Variants in TWF2 observed in about 807,000 individuals in gnomAD.
The protein encoded by TWF2 is twinfilin actin binding protein 2, also known as twinfilin-2.
Under a neutral mutation model 45.1 loss-of-function variants are expected in TWF2, and 15 were observed. That is an observed-to-expected ratio of 0.33 (90% CI 0.22 to 0.51). The LOEUF is 0.51. TWF2 is among the 20% of genes least tolerant of loss of function. The probability of loss-of-function intolerance (pLI) is 0.97; values close to 1 mark genes in which losing one functional copy is unlikely to be tolerated. For synonymous variants in TWF2, 177 were observed against 195.8 expected (o/e 0.90, Z 0.80); for missense variants, 423 against 469.1 (o/e 0.90, Z 0.91).
rs781419320 is a variant in TWF2, at chr3:52,229,935, G to A, written c.745C>T (p.Pro249Ser). 3 of 1,612,156 alleles carry A rather than the reference G, an allele frequency of 1.9e-6. No individual in the cohort carries two copies. Among genetic ancestry groups the A allele is most frequent in the Non-Finnish European group, 2.5e-6 (3 of 1,179,510 alleles). Residue 249 changes from proline (P) to serine (S), a missense_variant, in exon 7 of 9, where the codon CCC (proline) becomes TCC (serine). Pro to Ser is a moderately conservative substitution (Grantham distance 74, BLOSUM62 -1). Transcript: ENST00000305533. ...GGCCACTCACCTACAGACTCAAGGGGGTCGCCCTCATGGGTGTGCTTGTAG... is the reference window on the plus strand; with the variant it reads ...GGCCACTCACCTACAGACTCAAGGGAGTCGCCCTCATGGGTGTGCTTGTAG... Reference protein sequence around the residue: ...FLYKHTHEGDPLESVVFIYSM... With the variant: ...FLYKHTHEGDSLESVVFIYSM...
At chr3:52,236,365 C>T (rs998667385) in intron 1 of TWF2, among the ~76,000 whole-genome samples, 9 of 151,304 alleles carry the variant, frequency 5.9e-5, no homozygotes, top group Non-Finnish European at 8.8e-5. Context: ...AAGGTGAGAG[C>T]CAGTGAGTGA....
At chr3:52,232,378 G>T in intron 2 of TWF2, 1 of 539,034 alleles carries the variant, frequency 1.9e-6, no homozygotes, top group Non-Finnish European at 3.3e-6. Flanking sequence ...ACACACACAC[G>T]TGCGCAGATC....
In TWF2 at chr3:52,239,134, C is replaced by T; in HGVS notation, c.-118G>A. 1 of 1,294,624 alleles carries T rather than the reference C, an allele frequency of 7.7e-7. No individual in the cohort carries two copies. Among genetic ancestry groups the T allele is most frequent in the Admixed American group, 3.2e-5 (1 of 31,582 alleles). 80.2% of individuals were successfully genotyped at this position (1,294,624 alleles called of 1,614,324 possible). A position where few individuals can be genotyped will look rare whatever the true frequency, so the allele number is the denominator to read the frequency against. On this transcript the variant is annotated 5_prime_UTR_variant, in exon 1 of 9. Transcript: ENST00000305533. Reference sequence around the variant, plus strand: ...GCGGAGGCTGTCGACCCTCGCGCAGCTTCCCGGGCGGTGCCGCAGGACCCG... The same window carrying T: ...GCGGAGGCTGTCGACCCTCGCGCAGTTTCCCGGGCGGTGCCGCAGGACCCG...
At position 52,239,152 on chromosome 3, in the gene TWF2, A is replaced by G; in HGVS notation, c.-136T>C. 1 of 1,200,048 alleles carries G rather than the reference A, an allele frequency of 8.3e-7. No homozygotes were observed. The highest frequency in any genetic ancestry group is 1.1e-6 in the Non-Finnish European group (1 of 940,824). The allele number at this position is 1,200,048 out of a possible 1,614,324, so 74.3% of individuals were successfully genotyped here. A position where few individuals can be genotyped will look rare whatever the true frequency, so the allele number is the denominator to read the frequency against. ...CGCGCAGCTTCCCGGGCGGTGCCGC[A>G]GGACCCGCCCCCAGCGGCGCCCCGC... is the stretch of plus-strand genomic sequence containing the variant. On this transcript the variant is annotated 5_prime_UTR_variant, in exon 1 of 9. Transcript: ENST00000305533.
chr3:52,230,185 C>G, intron 6 of TWF2, 115 bp from the exon 7 acceptor site: 14 of 1,365,392 alleles, frequency 1.0e-5, no homozygotes, highest in Admixed American at 2.7e-5. Context: ...ATGTGACCTC[C>G]CTCTCCCAAG....
chr3:52,232,363 C>G (rs1343503729), intron 2 of TWF2: 1 of 571,078 alleles, frequency 1.8e-6, no homozygotes, highest in Non-Finnish European at 3.1e-6. Context: ...CACACACCCC[C>G]CCACACACAC....
chr3:52,233,122 A>G (rs1427400652), intron 2 of TWF2, among the ~76,000 whole-genome samples: 6 of 152,244 alleles, frequency 3.9e-5, no homozygotes, highest in Non-Finnish European at 5.9e-5. Flanking sequence ...GCACTTGTAG[A>G]CTGGGACCTC....
intron 6 of TWF2, among the ~76,000 whole-genome samples, chr3:52,230,325 G>A (rs1366684169): frequency 2.0e-5 from 3 of 152,240 alleles, no homozygotes; most frequent in African/African-American, 2.4e-5. Flanking sequence ...CAACGGTAGT[G>A]ACTCCTGGGA....
In TWF2 at chr3:52,229,783, C is replaced by G; in HGVS notation, c.761-1G>C. ...TACCCCGGCATGGAGTAGATGAACA[C>G]TGTTGGGGGGCAGGAGGTGAGCCTG... On this transcript the variant is annotated splice_acceptor_variant, in intron 7 of 8. Coordinates refer to ENST00000305533, the MANE Select transcript of TWF2 (RefSeq NM_007284.4). LOFTEE classifies it high-confidence loss of function. 2 of 1,610,534 alleles carry G rather than the reference C, an allele frequency of 1.2e-6. No individual in the cohort carries two copies. Among genetic ancestry groups the G allele is most frequent in the Non-Finnish European group, 1.7e-6 (2 of 1,178,178 alleles).
intron 7 of TWF2, 32 bp from the exon 8 acceptor site, chr3:52,229,814 C>G: frequency 3.7e-6 from 6 of 1,602,516 alleles, no homozygotes; most frequent in Non-Finnish European, 5.1e-6. Context: ...GCCTGGGAGG[C>G]CTGAGAAACC....
chr3:52,234,640 G>T (rs1220396966), intron 2 of TWF2, among the ~76,000 whole-genome samples: 1 of 152,234 alleles, frequency 6.6e-6, no homozygotes, highest in Non-Finnish European at 1.5e-5. Context: ...AGCCAGGCCA[G>T]GCCACCAACA....
intron 1 of TWF2, 26 bp downstream of exon 1, chr3:52,238,966 C>A: frequency 6.3e-7 from 1 of 1,590,538 alleles, no homozygotes; most frequent in East Asian, 2.2e-5. Context: ...ACCGAGGCCC[C>A]CTGCCCGCCC....
chr3:52,229,571 T>A (rs1037901690), intron 8 of TWF2, 90 bp downstream of exon 8: 1 of 1,551,828 alleles, frequency 6.4e-7, no homozygotes, highest in African/African-American at 1.4e-5. Context: ...CAACGATTCC[T>A]GCTCTGCCGT....
At position 52,228,865 on chromosome 3, in the gene TWF2, G is replaced by A. The variant is rs1364539711; in HGVS notation, c.*169C>T. 3.0e-6 allele frequency: 3 copies of A among 987,662 alleles called. No individual in the cohort carries two copies. The highest frequency in any genetic ancestry group is 1.6e-5 in the African/African-American group (1 of 60,782). The allele number at this position is 987,662 out of a possible 1,614,324, so 61.2% of individuals were successfully genotyped here. ...AGATGCAGGGACAGCAACAGGGAAG[G>A]GTCACAAAATGCCAGCCCGGTGGCC... is the stretch of plus-strand genomic sequence containing the variant. On this transcript the variant is annotated 3_prime_UTR_variant, in exon 9 of 9. Coordinates refer to ENST00000305533, the MANE Select transcript of TWF2 (RefSeq NM_007284.4).
chr3:52,234,905 A>G, intron 2 of TWF2, 124 bp downstream of exon 2: 1 of 1,065,498 alleles, frequency 9.4e-7, no homozygotes, highest in Non-Finnish European at 1.4e-6. Flanking sequence ...ATGGCCTCAC[A>G]CCCATTTCCA....
At position 52,229,087 on chromosome 3, in the gene TWF2, G is replaced by A. The variant is rs1361922183; in HGVS notation, c.997C>T (p.Arg333Trp). 2.5e-6 allele frequency: 4 copies of A among 1,613,066 alleles called. No individual in the cohort carries two copies. The highest frequency in any genetic ancestry group is 3.4e-6 in the Non-Finnish European group (4 of 1,180,042). ...FAKPKGPGGK[R>W]GHKRLIRGPG... ...CCGCGGATGAGGCGCTTATGGCCCCGCTTGCCCCCTGGGCCCTTGGGCTTG... is the reference window on the plus strand; with the variant it reads ...CCGCGGATGAGGCGCTTATGGCCCCACTTGCCCCCTGGGCCCTTGGGCTTG... The change falls in exon 9 of 9, where the codon CGG becomes TGG. Residue 333 changes from arginine (R) to tryptophan (W), a missense_variant. By Grantham distance (101) the Arg-to-Trp change is moderately radical (BLOSUM62 -3). Coordinates refer to ENST00000305533, the MANE Select transcript of TWF2 (RefSeq NM_007284.4).
chr3:52,239,156 C>G lies in TWF2; in HGVS notation c.-140G>C. 1 of 1,169,926 alleles carries G rather than the reference C, an allele frequency of 8.5e-7. No homozygotes were observed. The highest frequency in any genetic ancestry group is 1.1e-6 in the Non-Finnish European group (1 of 920,718). 72.5% of individuals were successfully genotyped at this position (1,169,926 alleles called of 1,614,324 possible). ...CAGCTTCCCGGGCGGTGCCGCAGGA[C>G]CCGCCCCCAGCGGCGCCCCGCCCCC... On this transcript the variant is annotated 5_prime_UTR_variant, in exon 1 of 9. Coordinates refer to ENST00000305533, the MANE Select transcript of TWF2 (RefSeq NM_007284.4).
rs1290148274 is a variant in TWF2 at position 52,231,333 on chromosome 3, G to C, written c.379-102C>G. 22 of 1,569,742 alleles carry C rather than the reference G, an allele frequency of 1.4e-5. No homozygotes were observed. The East Asian group carries it at 4.9e-4, about 35-fold the overall frequency. ...AGCTTGCAGCCCTTGGACTCCCCCA[G>C]CGCCCCCATCTTCCTCCCGAAGCTG... is the stretch of plus-strand genomic sequence containing the variant. On this transcript the variant is annotated intron_variant, in intron 4 of 8. Coordinates refer to ENST00000305533, the MANE Select transcript of TWF2 (RefSeq NM_007284.4).
Position 52,233,847 on chromosome 3 carries a change from G to C in TWF2, c.103+1182C>G, listed in dbSNP as rs1458874315. The stretch of plus-strand genomic sequence containing the variant: ...GAGAATGGCGTGAACCCGGGAGGCG[G>C]AGCTTGCAGTAAGCTGAGATCACAC... On this transcript the variant is annotated intron_variant, in intron 2 of 8. Transcript: ENST00000305533. Among the ~76,000 whole-genome samples the C allele has an allele frequency of 2.0e-5, 3 of 149,438 alleles. No homozygotes were observed. The East Asian group carries it at 5.9e-4, about 29-fold the overall frequency.
Sources: gnomAD v4.1 joint callset for allele counts (sites outside exome capture counted in the v4.1 genomes callset) on GRCh38, gnomAD v4.1.1 for gene constraint, MANE v1.5 for transcripts, NCBI Gene and HGNC (gene_info 2026-07-23, HGNC 2026-07-21) for gene names.